ST3GAL1: variants seen among roughly 807,000 people sequenced by gnomAD.
The protein encoded by ST3GAL1 is CMP-N-acetylneuraminate-beta-galactosamide-alpha-2,3-sialyltransferase 1.
Under a neutral mutation model 34.1 loss-of-function variants are expected in ST3GAL1, and 16 were observed. That is an observed-to-expected ratio of 0.47 (90% CI 0.32 to 0.71). The LOEUF (loss-of-function observed/expected upper bound fraction) is 0.71. Among genes scored for constraint, ST3GAL1 ranks in the 30% least tolerant of loss-of-function variants. The probability of loss-of-function intolerance (pLI) is 0.04; values close to 1 mark genes in which losing one functional copy is unlikely to be tolerated. For synonymous variants in ST3GAL1, 191 were observed against 184.7 expected (o/e 1.03, Z -0.28); for missense variants, 353 against 447.4 (o/e 0.79, Z 1.90).
At chr8:133,521,273 A>C (rs57756227) in intron 2 of ST3GAL1, among the ~76,000 whole-genome samples, 7,032 of 151,578 alleles carry the variant, frequency 0.046, 510 homozygotes, top group African/African-American at 0.15. Flanking sequence ...AGCTGGGATT[A>C]CAGGTGTGTG....
chr8:133,537,810 C>T (rs963115992), intron 2 of ST3GAL1, among the ~76,000 whole-genome samples: 1 of 152,220 alleles, frequency 6.6e-6, no homozygotes, highest in African/African-American at 2.4e-5. Context: ...AAACACAGGG[C>T]CCGGCTGTCT....
intron 8 of ST3GAL1, among the ~76,000 whole-genome samples, chr8:133,462,609 A>G (rs1315027919): frequency 1.3e-5 from 2 of 152,164 alleles, no homozygotes; most frequent in Admixed American, 1.3e-4. Context: ...GGGAATTCTC[A>G]GGCAGGAGAG....
chr8:133,513,036 T>G (rs899643404), intron 2 of ST3GAL1, among the ~76,000 whole-genome samples: 1 of 152,214 alleles, frequency 6.6e-6, no homozygotes, highest in African/African-American at 2.4e-5. Context: ...TCACTGGGAC[T>G]GACGAAGACC....
chr8:133,537,319 C>T (rs1031753034), intron 2 of ST3GAL1, among the ~76,000 whole-genome samples: 1 of 152,160 alleles, frequency 6.6e-6, no homozygotes, highest in Non-Finnish European at 1.5e-5. Flanking sequence ...TTTATGGAAG[C>T]TTCCTGACAT....
intron 3 of ST3GAL1, among the ~76,000 whole-genome samples, chr8:133,495,253 A>C (rs531802326): frequency 6.6e-6 from 1 of 152,248 alleles, no homozygotes; most frequent in South Asian, 2.1e-4. Context: ...ACTAACTGGC[A>C]TTGCATACTT....
chr8:133,565,151 C>CTGTGTG (rs60990775), intron 1 of ST3GAL1, among the ~76,000 whole-genome samples: 26,009 of 139,186 alleles, frequency 0.19, 2,572 homozygotes, highest in South Asian at 0.25. Flanking sequence ...CTCTGTGTGC[C>CTGTGTG]TGTGTGTGTG....
chr8:133,468,468 G>C (rs534758668), intron 5 of ST3GAL1, among the ~76,000 whole-genome samples: 1 of 152,190 alleles, frequency 6.6e-6, no homozygotes, highest in African/African-American at 2.4e-5. Context: ...GCTGGGAGGA[G>C]GAGGAGGTAA....
intron 1 of ST3GAL1, among the ~76,000 whole-genome samples, chr8:133,551,566 GAAA>G (rs1818852382): frequency 2.1e-5 from 3 of 145,234 alleles, no homozygotes; most frequent in African/African-American, 2.6e-5. Flanking sequence ...AAGAAAGAAA[GAAA>G]GAAAGAAAGA....
At chr8:133,482,892 G>A (rs536867358) in intron 3 of ST3GAL1, among the ~76,000 whole-genome samples, 74 of 152,300 alleles carry the variant, frequency 4.9e-4, no homozygotes, top group Non-Finnish European at 7.9e-4. Flanking sequence ...AGTGGATCAT[G>A]GCCAACAGTT....
At chr8:133,539,068 G>A (rs1818389062) in intron 2 of ST3GAL1, among the ~76,000 whole-genome samples, 1 of 152,196 alleles carries the variant, frequency 6.6e-6, no homozygotes, top group African/African-American at 2.4e-5. Flanking sequence ...CCCTGCGAGA[G>A]TGCTCACAAA....
intron 5 of ST3GAL1, among the ~76,000 whole-genome samples, chr8:133,474,730 G>A (rs1816101561): frequency 6.6e-6 from 1 of 152,118 alleles, no homozygotes; most frequent in African/African-American, 2.4e-5. Flanking sequence ...CTCTTCTCAT[G>A]GCTGCTGCCT....
intron 3 of ST3GAL1, among the ~76,000 whole-genome samples, chr8:133,484,442 G>A (rs1816503784): frequency 2.0e-5 from 3 of 152,212 alleles, no homozygotes; most frequent in Admixed American, 2.0e-4. Flanking sequence ...CTAGGAGATG[G>A]CAGAGCCAAC....
chr8:133,559,947 A>G (rs919607877), intron 1 of ST3GAL1, among the ~76,000 whole-genome samples: 2 of 152,204 alleles, frequency 1.3e-5, no homozygotes, highest in African/African-American at 4.8e-5. Context: ...ACAACAAGCC[A>G]CAAAGATGAG....
intron 2 of ST3GAL1, among the ~76,000 whole-genome samples, chr8:133,538,587 G>C (rs1818375961): frequency 6.6e-6 from 1 of 152,214 alleles, no homozygotes; most frequent in African/African-American, 2.4e-5. Context: ...CTGCCCAGGA[G>C]AGGATGCAAA....
intron 2 of ST3GAL1, among the ~76,000 whole-genome samples, chr8:133,533,178 G>A (rs143534448): frequency 2.6e-5 from 4 of 152,222 alleles, no homozygotes; most frequent in Admixed American, 6.5e-5. Context: ...TCTGAATTCC[G>A]TGGAGACCCA....
intron 3 of ST3GAL1, among the ~76,000 whole-genome samples, chr8:133,491,487 A>G (rs993619820): frequency 3.3e-5 from 5 of 152,174 alleles, no homozygotes; most frequent in South Asian, 4.1e-4. Flanking sequence ...CCCTCAGCAT[A>G]AAGGAAGGGC....
chr8:133,523,956 T>C (rs1817887175), intron 2 of ST3GAL1, among the ~76,000 whole-genome samples: 1 of 152,202 alleles, frequency 6.6e-6, no homozygotes, highest in South Asian at 2.1e-4. Flanking sequence ...GAGAAAAACA[T>C]GCTTCAGGCA....
intron 1 of ST3GAL1, among the ~76,000 whole-genome samples, chr8:133,548,824 T>C (rs1273668707): frequency 6.6e-6 from 1 of 152,208 alleles, no homozygotes; most frequent in Non-Finnish European, 1.5e-5. Context: ...TATATTTTAC[T>C]TGTCACTAGA....
chr8:133,568,462 C>G (rs1225558810), intron 1 of ST3GAL1, among the ~76,000 whole-genome samples: 1 of 152,186 alleles, frequency 6.6e-6, no homozygotes, highest in Admixed American at 6.5e-5. Context: ...AAGTCTTATT[C>G]TAGAATTCTT....
Sources: gnomAD v4.1 joint callset for allele counts (sites outside exome capture counted in the v4.1 genomes callset) on GRCh38, gnomAD v4.1.1 for gene constraint, MANE v1.5 for transcripts, NCBI Gene and HGNC (gene_info 2026-07-23, HGNC 2026-07-21) for gene names.